The following HDGFL3 variants were observed in gnomAD, a reference collection of about 807,000 sequenced individuals.
HDGFL3 encodes the protein HDGF like 3.
Under a neutral mutation model 27.6 loss-of-function variants are expected in HDGFL3, and 6 were observed. The observed-to-expected ratio is 0.22, with a 90% confidence interval of 0.12 to 0.43. The LOEUF (loss-of-function observed/expected upper bound fraction) is 0.43. Ranked by LOEUF, HDGFL3 falls within the 20% of genes least tolerant of loss-of-function variation. The pLI is 1.00. For missense variants in HDGFL3, 207 were observed against 250.1 expected (o/e 0.83, Z 1.16); for synonymous variants, 88 against 88.9 (o/e 0.99, Z 0.05).
chr15:83,165,794 C>CAAAAAAAAAAA lies in HDGFL3; in HGVS notation c.85-1730_85-1720dup, dbSNP rs57873221. Among the ~76,000 whole-genome samples the CAAAAAAAAAAA allele has an allele frequency of 5.1e-4, 7 of 13,848 alleles. 1 individual carries two copies. The highest frequency in any genetic ancestry group is 1.2e-3 in the Admixed American group (1 of 810). The allele number at this position is 13,848 out of a possible 152,430, so 9.1% of individuals were successfully genotyped here. On this transcript the variant is annotated intron_variant, in intron 1 of 5. Coordinates refer to ENST00000299633, the MANE Select transcript of HDGFL3 (RefSeq NM_016073.4). Reference sequence around the variant, plus strand: ...TGGATGACAGAGCAAGAATCCATCTCAAAAAAAAAAAAAAAAAAAAAAAAA... The same window carrying CAAAAAAAAAAA: ...TGGATGACAGAGCAAGAATCCATCTCAAAAAAAAAAAAAAAAAAAAAAAAAAAAAAAAAAAA...
rs962453689 is a variant in HDGFL3, at chr15:83,135,818, G to A, written c.*3452C>T. The A allele has an allele frequency of 1.3e-5, 2 of 152,064 alleles. No individual in the cohort carries two copies. Among genetic ancestry groups the A allele is most frequent in the South Asian group, 2.1e-4 (1 of 4,830 alleles). 9.4% of individuals were successfully genotyped at this position (152,064 alleles called of 1,614,324 possible). A position where few individuals can be genotyped will look rare whatever the true frequency, so the allele number is the denominator to read the frequency against. ...ATTTGCCATTTTACAAAGAGCAACC[G>A]TACTCCTACCTCCACCCAAGTTGGT... On this transcript the variant is annotated 3_prime_UTR_variant, in exon 6 of 6. Coordinates refer to ENST00000299633, the MANE Select transcript of HDGFL3 (RefSeq NM_016073.4).
intron 1 of HDGFL3, among the ~76,000 whole-genome samples, chr15:83,193,005 G>C (rs12441409): frequency 0.2 from 30,878 of 152,124 alleles, 3,281 homozygotes; most frequent in Admixed American, 0.22. Flanking sequence ...TGTCACCACA[G>C]GACCTTACTT....
At chr15:83,167,711 C>A (rs187465584) in intron 1 of HDGFL3, among the ~76,000 whole-genome samples, 77 of 152,226 alleles carry the variant, frequency 5.1e-4, no homozygotes, top group African/African-American at 1.6e-3. Flanking sequence ...GAAAAGACAG[C>A]CACACAATAA....
chr15:83,143,253 C>T (rs1440118708), intron 5 of HDGFL3, among the ~76,000 whole-genome samples: 1 of 152,134 alleles, frequency 6.6e-6, no homozygotes, highest in Non-Finnish European at 1.5e-5. Flanking sequence ...CTCAGGTGAC[C>T]CACCCACCTT....
At chr15:83,155,932 T>C (rs1301089608) in intron 4 of HDGFL3, among the ~76,000 whole-genome samples, 1 of 152,222 alleles carries the variant, frequency 6.6e-6, no homozygotes, top group African/African-American at 2.4e-5. Flanking sequence ...CTCAGAGTTC[T>C]TTCCATTGTA....
rs1186719213 is a variant in HDGFL3 at position 83,128,218 on chromosome 15, C to T, written c.*11052G>A. The T allele has an allele frequency of 6.6e-6, 1 of 152,148 alleles. No homozygotes were observed. The highest frequency in any genetic ancestry group is 2.4e-5 in the African/African-American group (1 of 41,416). 9.4% of individuals were successfully genotyped at this position (152,148 alleles called of 1,614,324 possible). A position where few individuals can be genotyped will look rare whatever the true frequency, so the allele number is the denominator to read the frequency against. ...ATGAGGTTCATCTAGAAACTGTAGGCTTGTACAGTCAATTATATGCATGGT... is the reference window on the plus strand; with the variant it reads ...ATGAGGTTCATCTAGAAACTGTAGGTTTGTACAGTCAATTATATGCATGGT... On this transcript the variant is annotated 3_prime_UTR_variant, in exon 6 of 6. Coordinates refer to ENST00000299633, the MANE Select transcript of HDGFL3 (RefSeq NM_016073.4).
intron 1 of HDGFL3, among the ~76,000 whole-genome samples, chr15:83,166,778 G>A (rs920575168): frequency 6.6e-6 from 1 of 152,144 alleles, no homozygotes; most frequent in Non-Finnish European, 1.5e-5. Context: ...TCCAGAGCAG[G>A]AGGAAGAGAG....
intron 1 of HDGFL3, among the ~76,000 whole-genome samples, chr15:83,194,747 G>A (rs147340494): frequency 2.6e-5 from 4 of 152,146 alleles, no homozygotes; most frequent in Non-Finnish European, 4.4e-5. Flanking sequence ...GGGTGCAGAC[G>A]GCAATGAATT....
chr15:83,200,207 G>T (rs147981275), intron 1 of HDGFL3, among the ~76,000 whole-genome samples: 1 of 150,938 alleles, frequency 6.6e-6, no homozygotes, highest in Non-Finnish European at 1.5e-5. Flanking sequence ...TCAGCCCAGC[G>T]TGGTGGTGGG....
chr15:83,126,568 T>A (rs1467034480), downstream of HDGFL3, among the ~76,000 whole-genome samples: 1 of 152,186 alleles, frequency 6.6e-6, no homozygotes, highest in Non-Finnish European at 1.5e-5. Context: ...GCACCATAAT[T>A]AACCTTTGCT....
intron 1 of HDGFL3, among the ~76,000 whole-genome samples, chr15:83,166,976 T>C (rs2037178344): frequency 1.3e-5 from 2 of 152,130 alleles, no homozygotes; most frequent in Admixed American, 6.5e-5. Context: ...AATCAAACCA[T>C]ATCAGCAACC....
At chr15:83,157,851 G>T in intron 3 of HDGFL3, 52 bp downstream of exon 3, 1 of 1,551,010 alleles carries the variant, frequency 6.4e-7, no homozygotes, top group Non-Finnish European at 8.8e-7. Context: ...TTGAAAAAGC[G>T]TTAAAACCAA....
chr15:83,170,876 C>CAAA (rs34510031), intron 1 of HDGFL3, among the ~76,000 whole-genome samples: 6 of 77,730 alleles, frequency 7.7e-5, no homozygotes, highest in Non-Finnish European at 1.7e-4. Flanking sequence ...ATTCAACAAG[C>CAAA]AAAAAAAAAA....
intron 1 of HDGFL3, among the ~76,000 whole-genome samples, chr15:83,174,916 TTC>T (rs2037290660): frequency 6.6e-6 from 1 of 152,206 alleles, no homozygotes; most frequent in Non-Finnish European, 1.5e-5. Flanking sequence ...TGAAGATATG[TTC>T]TGTTTGGCTC....
intron 1 of HDGFL3, among the ~76,000 whole-genome samples, chr15:83,197,452 T>C (rs1251512342): frequency 1.3e-5 from 2 of 152,202 alleles, no homozygotes; most frequent in Non-Finnish European, 2.9e-5. Context: ...TCTACTCAGA[T>C]TGCTATATCT....
exon 4 of HDGFL3, chr15:83,115,604 C>T (rs931760908): frequency 1.5e-6 from 1 of 648,838 alleles, no homozygotes; most frequent in Admixed American, 2.1e-5. Context: ...CCATCATTCT[C>T]CACTCCTGTG....
chr15:83,170,201 A>G (rs2037229162), intron 1 of HDGFL3, among the ~76,000 whole-genome samples: 1 of 152,232 alleles, frequency 6.6e-6, no homozygotes, highest in Non-Finnish European at 1.5e-5. Context: ...CATTTTTCAC[A>G]GAACTAGAAA....
At chr15:83,149,142 A>G (rs2036934673) in intron 5 of HDGFL3, among the ~76,000 whole-genome samples, 1 of 152,180 alleles carries the variant, frequency 6.6e-6, no homozygotes. Flanking sequence ...CAATTCTTTC[A>G]GTCTCAGTTT....
At chr15:83,167,779 G>A (rs2037191002) in intron 1 of HDGFL3, among the ~76,000 whole-genome samples, 1 of 152,086 alleles carries the variant, frequency 6.6e-6, no homozygotes, top group Non-Finnish European at 1.5e-5. Flanking sequence ...GATCATCAAG[G>A]TAGAAAACTA....
Sources: allele counts gnomAD v4.1 joint callset (sites outside exome capture counted in the v4.1 genomes callset), GRCh38; gene constraint gnomAD v4.1.1; transcripts MANE v1.5; gene names NCBI Gene and HGNC (gene_info 2026-07-23, HGNC 2026-07-21).